Variants in RNF38 observed in about 807,000 individuals in gnomAD.
The protein encoded by RNF38 is ring finger protein 38, also known as E3 ubiquitin-protein ligase RNF38.
A neutral mutation model predicts 67.2 loss-of-function variants in RNF38; 15 were observed. That is an observed-to-expected ratio of 0.22 (90% confidence interval 0.15 to 0.34). The LOEUF (loss-of-function observed/expected upper bound fraction) is 0.34. Ranked by LOEUF, RNF38 falls within the 10% of genes least tolerant of loss-of-function variation. The pLI, the probability that RNF38 is intolerant of heterozygous loss-of-function variation, is 1.00. For missense variants in RNF38, 524 were observed against 639.9 expected, an observed-to-expected ratio of 0.82 and a Z score of 1.95; for synonymous variants, 220 against 218.8, an observed-to-expected ratio of 1.01 and a Z score of -0.05.
At chr9:36,467,990 C>G (rs1295415870) in intron 1 of RNF38, among the ~76,000 whole-genome samples, 1 of 152,130 alleles carries the variant, frequency 6.6e-6, no homozygotes, top group Non-Finnish European at 1.5e-5. Context: ...CACCTGTAAT[C>G]CCAGCACTTT....
At chr9:36,441,616 C>G (rs1046532281) in intron 1 of RNF38, among the ~76,000 whole-genome samples, 4 of 152,184 alleles carry the variant, frequency 2.6e-5, no homozygotes, top group African/African-American at 9.7e-5. Context: ...GCCACCGCGC[C>G]TGGCCCCAAA....
intron 1 of RNF38, among the ~76,000 whole-genome samples, chr9:36,460,834 C>G (rs1172904727): frequency 1.4e-5 from 2 of 146,888 alleles, no homozygotes; most frequent in Non-Finnish European, 3.0e-5. Flanking sequence ...TTGCAGCGAG[C>G]CGAGATTGCA....
chr9:36,431,710 T>C (rs1299910592), intron 1 of RNF38, among the ~76,000 whole-genome samples: 1 of 152,168 alleles, frequency 6.6e-6, no homozygotes, highest in Non-Finnish European at 1.5e-5. Context: ...GAGATTCCCT[T>C]AGGTAGGCAT....
In RNF38 at chr9:36,473,050, T is replaced by C. The variant is rs555343572; in HGVS notation, n.241+14258A>G. ...GGGAGGCTGAGGCAGGAGAATCACT[T>C]GAACCCAGGAGGCGGAAGCTGCAGT... On this transcript the variant is annotated intron_variant and non_coding_transcript_variant, in intron 1 of 3. Transcript: ENST00000488058. Among the ~76,000 whole-genome samples, 3 of 152,220 alleles carry C rather than the reference T, an allele frequency of 2.0e-5. No individual in the cohort carries two copies. The East Asian group carries it at 5.8e-4, about 29-fold the overall frequency.
At chr9:36,442,788 G>A (rs781123998) in intron 1 of RNF38, among the ~76,000 whole-genome samples, 1 of 152,176 alleles carries the variant, frequency 6.6e-6, no homozygotes, top group Non-Finnish European at 1.5e-5. Context: ...AAAAAAATAA[G>A]TGTCTGCTGG....
At chr9:36,480,303 T>A (rs986935893) in intron 1 of RNF38, among the ~76,000 whole-genome samples, 1 of 152,110 alleles carries the variant, frequency 6.6e-6, no homozygotes, top group Non-Finnish European at 1.5e-5. Context: ...ATTAAATGAA[T>A]ACCTGTTTTA....
At chr9:36,421,244 C>T (rs1235096579) in intron 2 of RNF38, among the ~76,000 whole-genome samples, 1 of 152,212 alleles carries the variant, frequency 6.6e-6, no homozygotes. Flanking sequence ...CTCAGAATAC[C>T]TAAGCAAATA....
At chr9:36,425,778 T>C (rs1838753386) in intron 1 of RNF38, among the ~76,000 whole-genome samples, 1 of 151,610 alleles carries the variant, frequency 6.6e-6, no homozygotes, top group African/African-American at 2.4e-5. Context: ...AAGTCATAAA[T>C]AAAAAGCACA....
At chr9:36,400,851 G>A (rs1314129279), upstream of RNF38, 4 of 967,652 alleles carry the variant, frequency 4.1e-6, no homozygotes, top group Admixed American at 2.1e-4. Flanking sequence ...ACCGGGCCTC[G>A]GCCCCGTCCC....
At chr9:36,451,314 G>A (rs1839432661) in intron 1 of RNF38, among the ~76,000 whole-genome samples, 1 of 151,540 alleles carries the variant, frequency 6.6e-6, no homozygotes, top group African/African-American at 2.4e-5. Flanking sequence ...AAATAGAAAA[G>A]ATTAGCCAGG....
intron 1 of RNF38, among the ~76,000 whole-genome samples, chr9:36,464,596 A>G (rs574937615): frequency 6.6e-6 from 1 of 152,088 alleles, no homozygotes; most frequent in African/African-American, 2.4e-5. Flanking sequence ...TCATATTTGT[A>G]TCAGATTATC....
chr9:36,375,133 A>G (rs980080905), intron 3 of RNF38, among the ~76,000 whole-genome samples: 4 of 152,234 alleles, frequency 2.6e-5, no homozygotes, highest in African/African-American at 9.6e-5. Flanking sequence ...GCCAAATCCC[A>G]TTGCCTAAAA....
chr9:36,355,698 T>C (rs1339965479), intron 6 of RNF38, among the ~76,000 whole-genome samples: 1 of 152,212 alleles, frequency 6.6e-6, no homozygotes, highest in Non-Finnish European at 1.5e-5. Context: ...GGACTGCAGA[T>C]GTAATAGAAC....
At chr9:36,440,659 T>C (rs997819687) in intron 1 of RNF38, among the ~76,000 whole-genome samples, 5 of 152,092 alleles carry the variant, frequency 3.3e-5, no homozygotes, top group African/African-American at 9.7e-5. Flanking sequence ...TATCTAAACA[T>C]AGAGACTAGA....
At chr9:36,478,817 CAAAAAAAAAAA>C (rs58286962) in intron 1 of RNF38, among the ~76,000 whole-genome samples, 1 of 106,090 alleles carries the variant, frequency 9.4e-6, no homozygotes, top group South Asian at 3.1e-4. Flanking sequence ...AACGCTGTCT[CAAAAAAAAAAA>C]AAAAAAAAAG....
chr9:36,347,118 CTCGGGGGGGGGGGGGGGGG>C (rs1563996561), intron 9 of RNF38, among the ~76,000 whole-genome samples: 155 of 10,042 alleles, frequency 0.015, 1 homozygote, highest in African/African-American at 0.074. Flanking sequence ...GAGACTCCAT[CTCGGGGGGGGGGGGGGGGG>C]GGGGGGGGGG....
At chr9:36,454,112 A>C (rs1839526776) in intron 1 of RNF38, among the ~76,000 whole-genome samples, 1 of 151,930 alleles carries the variant, frequency 6.6e-6, no homozygotes, top group Non-Finnish European at 1.5e-5. Flanking sequence ...CCACAAATAC[A>C]TAAAATTCTT....
chr9:36,400,003 T>C (rs1837877689), intron 1 of RNF38, 94 bp downstream of exon 1: 6 of 1,109,760 alleles, frequency 5.4e-6, no homozygotes, highest in South Asian at 4.0e-5. Context: ...AATAATTACA[T>C]GTGTGTGTTT....
intron 3 of RNF38, chr9:36,372,644 A>T: frequency 1.6e-6 from 1 of 615,202 alleles, no homozygotes. Context: ...CACACTGCTG[A>T]AAAAAACACT....
Sources: allele counts gnomAD v4.1 joint callset (sites outside exome capture counted in the v4.1 genomes callset), GRCh38; gene constraint gnomAD v4.1.1; transcripts MANE v1.5; gene names NCBI Gene and HGNC (gene_info 2026-07-23, HGNC 2026-07-21).